The following TRRAP variants were observed in gnomAD, a reference collection of about 807,000 sequenced individuals.
TRRAP encodes the protein transformation/transcription domain-associated protein.
Under a neutral mutation model 438.8 loss-of-function variants are expected in TRRAP, and 41 were observed. That is an observed-to-expected ratio of 0.09 (90% CI 0.07 to 0.12). TRRAP has a LOEUF of 0.12. TRRAP is among the 10% of genes least tolerant of loss of function. The pLI, the probability that TRRAP is intolerant of heterozygous loss-of-function variation, is 1.00. For missense variants in TRRAP, 3,122 were observed against 5,055.1 expected (o/e 0.62, Z 11.60); for synonymous variants, 1,994 against 1,962.9 (o/e 1.02, Z -0.42).
Position 98,899,324 on chromosome 7 carries a change from TTCTCTCTC to T in TRRAP, c.634-96_634-89del, listed in dbSNP as rs1370170881. 4 of 961,988 alleles carry T rather than the reference TTCTCTCTC, an allele frequency of 4.2e-6. No homozygotes were observed. In the African/African-American group the frequency reaches 6.5e-5, roughly 16 times the overall value. 59.6% of individuals were successfully genotyped at this position (961,988 alleles called of 1,614,324 possible). On this transcript the variant is annotated intron_variant, in intron 8 of 72. Coordinates refer to ENST00000456197, the MANE Select transcript of TRRAP (RefSeq NM_001375524.1). Reference sequence around the variant, plus strand: ...TACAAAGAGGTGTCACTGTTTTCCGTTCTCTCTCTTTCAGTGGGTGATGCTCAGTGGGC... The same window carrying T: ...TACAAAGAGGTGTCACTGTTTTCCGTTTTCAGTGGGTGATGCTCAGTGGGC...
intron 67 of TRRAP, among the ~76,000 whole-genome samples, chr7:99,000,698 G>C (rs1793882414): frequency 6.6e-6 from 1 of 152,230 alleles, no homozygotes; most frequent in South Asian, 2.1e-4. Context: ...AGAGGGCGCT[G>C]TGTGGGCCTG....
chr7:98,978,312 C>G lies in TRRAP; in HGVS notation c.8487C>G (p.Asp2829Glu). Residue 2829 changes from aspartate (D) to glutamate (E), a missense_variant, in exon 57 of 73, where the codon GAC becomes GAG. Transcript: ENST00000456197. Reference protein sequence around the residue: ...AIFPEYQLWEDHWIRCSKELN... With the variant: ...AIFPEYQLWEEHWIRCSKELN... ...TCCCTGAATACCAGCTCTGGGAAGACCACTGGATTCGGTAAGCCAAACACA... is the reference window on the plus strand; with the variant it reads ...TCCCTGAATACCAGCTCTGGGAAGAGCACTGGATTCGGTAAGCCAAACACA... The G allele has an allele frequency of 6.2e-7, 1 of 1,613,644 alleles. No homozygotes were observed. Among genetic ancestry groups the G allele is most frequent in the East Asian group, 2.2e-5 (1 of 44,880 alleles).
At chr7:98,907,171 A>G (rs1796810746) in intron 13 of TRRAP, among the ~76,000 whole-genome samples, 1 of 152,144 alleles carries the variant, frequency 6.6e-6, no homozygotes, top group Non-Finnish European at 1.5e-5. Flanking sequence ...TAAAAATACA[A>G]AATTAGCCAG....
At chr7:98,879,738 G>T (rs1250376216) in intron 1 of TRRAP, among the ~76,000 whole-genome samples, 1 of 152,220 alleles carries the variant, frequency 6.6e-6, no homozygotes, top group Non-Finnish European at 1.5e-5. Context: ...TGGGGCTTCT[G>T]GTGGGCTTGT....
chr7:98,956,384 C>T lies in TRRAP; in HGVS notation c.6097-15C>T. On this transcript the variant is annotated splice_polypyrimidine_tract_variant and intron_variant, in intron 42 of 72. Coordinates refer to ENST00000456197, the MANE Select transcript of TRRAP (RefSeq NM_001375524.1). The surrounding 1 kb of genome is among the most constrained non-coding windows in gnomAD (Gnocchi z 4.5). ...GAAATCAGTCAGTAAAACCAAGCGC[C>T]TGTGTGTTTTTAAGCCGGATTCAGA... The T allele has an allele frequency of 1.2e-6, 2 of 1,613,730 alleles. No homozygotes were observed. The highest frequency in any genetic ancestry group is 1.1e-5 in the South Asian group (1 of 91,016).
chr7:98,887,008 C>T (rs1554404090), intron 3 of TRRAP, among the ~76,000 whole-genome samples: 2 of 152,166 alleles, frequency 1.3e-5, no homozygotes, highest in Non-Finnish European at 2.9e-5. Flanking sequence ...CTCAAATGAT[C>T]TTCCTGCTTC....
chr7:99,009,296 A>G (rs1794329031), intron 70 of TRRAP, among the ~76,000 whole-genome samples: 1 of 152,088 alleles, frequency 6.6e-6, no homozygotes, highest in Non-Finnish European at 1.5e-5. Context: ...CAAGAAGGAG[A>G]GACCACAGAG....
intron 56 of TRRAP, among the ~76,000 whole-genome samples, chr7:98,978,007 T>TGCAG (rs772520314): frequency 2.6e-5 from 4 of 152,174 alleles, no homozygotes; most frequent in African/African-American, 7.2e-5. Context: ...CTTAGCCAGG[T>TGCAG]GCAGGCAGGC....
chr7:98,944,225 G>A (rs1554416299), intron 31 of TRRAP, among the ~76,000 whole-genome samples: 1 of 151,834 alleles, frequency 6.6e-6, no homozygotes, highest in East Asian at 1.9e-4. Flanking sequence ...TTTTATATTT[G>A]TTTTTATAGT....
At position 98,878,558 on chromosome 7, in the gene TRRAP, G is replaced by C. The variant is rs1387144787; in HGVS notation, c.-141G>C. 1 of 151,302 alleles carries C rather than the reference G, an allele frequency of 6.6e-6. No individual in the cohort carries two copies. Among genetic ancestry groups the C allele is most frequent in the South Asian group, 2.1e-4 (1 of 4,822 alleles). The allele number at this position is 151,302 out of a possible 1,614,324, so 9.4% of individuals were successfully genotyped here. ...AGCGGGGGCGGGACTGCGCGCGGCC[G>C]AGCGGTTGCGACGAGGGCTCGGCTG... is the stretch of plus-strand genomic sequence containing the variant. On this transcript the variant is annotated 5_prime_UTR_variant, in exon 1 of 73. Transcript: ENST00000456197.
chr7:99,011,756 G>T lies in TRRAP; in HGVS notation c.11337+221G>T, dbSNP rs758594133. 1.7e-4 allele frequency among the ~76,000 whole-genome samples: 26 copies of T among 152,276 alleles called. No individual in the cohort carries two copies. Among genetic ancestry groups the T allele is most frequent in the Non-Finnish European group, 3.5e-4 (24 of 68,046 alleles). ...TTGGAACGGGCCTGCCTGACACTCG[G>T]CAGATGCCGGAAGGTGTCAAGTGAA... On this transcript the variant is annotated intron_variant, in intron 72 of 72. Coordinates refer to ENST00000456197, the MANE Select transcript of TRRAP (RefSeq NM_001375524.1). This position sits in a 1 kb window ranked among gnomAD's most constrained non-coding sequence, Gnocchi z 7.1.
chr7:98,951,388 C>T (rs1411120712), intron 39 of TRRAP, among the ~76,000 whole-genome samples: 2 of 152,186 alleles, frequency 1.3e-5, no homozygotes, highest in Non-Finnish European at 2.9e-5. Context: ...AGCCAGTGAG[C>T]ATATGAGACT....
rs113034497 is a variant in TRRAP, at chr7:98,916,137, T to C, written c.2365+249T>C. On this transcript the variant is annotated intron_variant, in intron 19 of 72. Transcript: ENST00000456197. ...TCAGCATTGAATGGGATTTAGGTGT[T>C]AGTTGTCCTGGCTAGGGCTTGGTTG... Among the ~76,000 whole-genome samples the C allele has an allele frequency of 5.4e-3, 827 of 152,088 alleles. 3 individuals carry two copies. Among genetic ancestry groups the C allele is most frequent in the African/African-American group, 0.018 (732 of 41,482 alleles).
At position 98,948,337 on chromosome 7, in the gene TRRAP, C is replaced by T. The variant is rs372767919; in HGVS notation, c.4665C>T (p.Ile1555=). 5 of 1,614,170 alleles carry T rather than the reference C, an allele frequency of 3.1e-6. No individual in the cohort carries two copies. In the East Asian group the frequency reaches 6.7e-5, roughly 22 times the overall value. The change falls in exon 34 of 73, where the codon ATC becomes ATT. Residue 1555 remains isoleucine, a synonymous_variant. Coordinates refer to ENST00000456197, the MANE Select transcript of TRRAP (RefSeq NM_001375524.1). The surrounding 1 kb of genome is among the most constrained non-coding windows in gnomAD (Gnocchi z 4.9). ...VVMKTERAML[I]EAGSPFREPL... is the part of the protein sequence containing the mutation. ...TGAAAACGGAGCGGGCGATGCTGAT[C>T]GAGGTAAGGGCCATACTGAAGGCTG...
Position 98,890,465 on chromosome 7 carries a change from T to C in TRRAP, c.261+20T>C. On this transcript the variant is annotated intron_variant, in intron 4 of 72. Coordinates refer to ENST00000456197, the MANE Select transcript of TRRAP (RefSeq NM_001375524.1). The stretch of plus-strand genomic sequence containing the variant: ...GCACAGGTAATGTAAAAAAATAACA[T>C]GAGAAGACAAGGGTGCTGTGGGATT... 1 of 1,534,998 alleles carries C rather than the reference T, an allele frequency of 6.5e-7. No individual in the cohort carries two copies. Among genetic ancestry groups the C allele is most frequent in the East Asian group, 2.3e-5 (1 of 43,020 alleles).
Position 98,994,255 on chromosome 7 carries a change from G to A in TRRAP, c.10048-332G>A, listed in dbSNP as rs1452036121. On this transcript the variant is annotated intron_variant, in intron 66 of 72. Transcript: ENST00000456197. The surrounding 1 kb of genome is among the most constrained non-coding windows in gnomAD (Gnocchi z 4.8). ...GTGTGTGCACAGTGCACGCAGACAC[G>A]CGGTGGGAACAGTACAGCTGCCTGA... 1.3e-5 allele frequency among the ~76,000 whole-genome samples: 2 copies of A among 152,216 alleles called. No homozygotes were observed. The highest frequency in any genetic ancestry group is 1.9e-4 in the East Asian group (1 of 5,196).
chr7:98,992,431 G>A (rs941610695), intron 65 of TRRAP, among the ~76,000 whole-genome samples: 4 of 152,172 alleles, frequency 2.6e-5, no homozygotes, highest in South Asian at 2.1e-4. Context: ...TGTAATAAGC[G>A]TTCATTTATC....
rs1184513824 is a variant in TRRAP, at chr7:98,993,780, G to C, written c.10047+43G>C. 8.8e-6 allele frequency: 14 copies of C among 1,593,880 alleles called. No homozygotes were observed. The Admixed American group carries it at 1.7e-4, about 19-fold the overall frequency. On this transcript the variant is annotated intron_variant, in intron 66 of 72. Coordinates refer to ENST00000456197, the MANE Select transcript of TRRAP (RefSeq NM_001375524.1). Reference sequence around the variant, plus strand: ...TGCACATGGTGGCTCCTTGTAGAGGGGACGTGGTGTTCTGTATGCTTCTGT... The same window carrying C: ...TGCACATGGTGGCTCCTTGTAGAGGCGACGTGGTGTTCTGTATGCTTCTGT...
At chr7:98,923,812 CAA>C (rs1294784007) in intron 21 of TRRAP, among the ~76,000 whole-genome samples, 3 of 152,104 alleles carry the variant, frequency 2.0e-5, no homozygotes, top group Non-Finnish European at 4.4e-5. Flanking sequence ...AAATTTTTAA[CAA>C]AGATTAGTTA....
Sources: allele counts gnomAD v4.1 joint callset (sites outside exome capture counted in the v4.1 genomes callset), GRCh38; gene constraint gnomAD v4.1.1; non-coding constraint Gnocchi (gnomAD v3.1); transcripts MANE v1.5; gene names NCBI Gene and HGNC (gene_info 2026-07-23, HGNC 2026-07-21).